Variants in SUCLG2 observed in about 807,000 individuals in gnomAD.
The protein encoded by SUCLG2 is succinate--CoA ligase [GDP-forming] subunit beta, mitochondrial.
A neutral mutation model predicts 47.9 loss-of-function variants in SUCLG2; 42 were observed. The ratio of observed to expected loss-of-function variants is 0.88; its 90% CI spans 0.69 to 1.14. SUCLG2 has a LOEUF of 1.14. SUCLG2 is among the 50% of genes most tolerant of loss of function. The probability of loss-of-function intolerance (pLI) is 0.00; values close to 1 mark genes in which losing one functional copy is unlikely to be tolerated. For missense variants in SUCLG2, 571 were observed against 525.9 expected (o/e 1.09, Z -0.84); for synonymous variants, 195 against 197.3 (o/e 0.99, Z 0.10).
intron 2 of SUCLG2, among the ~76,000 whole-genome samples, chr3:67,558,539 G>C (rs963306595): frequency 6.6e-6 from 1 of 152,156 alleles, no homozygotes; most frequent in African/African-American, 2.4e-5. Flanking sequence ...GACTGTCTTA[G>C]AGCAGCTGTG....
intron 2 of SUCLG2, among the ~76,000 whole-genome samples, chr3:67,601,926 G>A (rs1355897827): frequency 6.6e-6 from 1 of 152,004 alleles, no homozygotes; most frequent in South Asian, 2.1e-4. Flanking sequence ...AGATTGCAGT[G>A]AGCTAAGATC....
At chr3:67,592,110 C>A (rs976683237) in intron 2 of SUCLG2, among the ~76,000 whole-genome samples, 1 of 152,144 alleles carries the variant, frequency 6.6e-6, no homozygotes, top group East Asian at 1.9e-4. Context: ...GATGGGGAAA[C>A]TTAAGACACA....
chr3:67,565,124 T>C (rs942588033), intron 2 of SUCLG2, among the ~76,000 whole-genome samples: 1 of 152,228 alleles, frequency 6.6e-6, no homozygotes, highest in African/African-American at 2.4e-5. Context: ...ACATTAAATA[T>C]GTGCTACGTG....
intron 2 of SUCLG2, among the ~76,000 whole-genome samples, chr3:67,554,380 T>C (rs577646135): frequency 3.8e-4 from 58 of 152,318 alleles, no homozygotes; most frequent in Non-Finnish European, 7.1e-4. Flanking sequence ...CCTGAGAACC[T>C]TGATGTCATG....
intron 1 of SUCLG2, among the ~76,000 whole-genome samples, chr3:67,620,757 G>A (rs556147887): frequency 2.0e-5 from 3 of 152,128 alleles, no homozygotes; most frequent in Admixed American, 2.0e-4. Context: ...AGCACAGCAG[G>A]CTGAGAGGCC....
At chr3:67,451,568 T>C (rs569730148) in intron 9 of SUCLG2, among the ~76,000 whole-genome samples, 1 of 152,282 alleles carries the variant, frequency 6.6e-6, no homozygotes, top group South Asian at 2.1e-4. Context: ...TTTTCTGGTG[T>C]CTTGAGTTCT....
intron 9 of SUCLG2, among the ~76,000 whole-genome samples, chr3:67,464,776 T>A (rs949485718): frequency 3.9e-5 from 6 of 152,334 alleles, no homozygotes; most frequent in Non-Finnish European, 8.8e-5. Flanking sequence ...CTTTTAGAAA[T>A]CAGTTGCTTG....
rs939049433 is a variant in SUCLG2, at chr3:67,649,527, T to C, written c.84+4976A>G. ...CTTCTTTGTATACCCAAAAGTGCCA[T>C]TGTCCCTCAACTTCTGCTATCCACC... On this transcript the variant is annotated intron_variant, in intron 1 of 10. Coordinates refer to ENST00000307227, the MANE Select transcript of SUCLG2 (RefSeq NM_003848.4). 9.5e-5 allele frequency among the ~76,000 whole-genome samples: 14 copies of C among 147,234 alleles called. No homozygotes were observed. The South Asian group carries it at 1.5e-3, about 16-fold the overall frequency.
chr3:67,362,928 C>T (rs1268327983), intron 10 of SUCLG2, among the ~76,000 whole-genome samples: 1 of 152,186 alleles, frequency 6.6e-6, no homozygotes, highest in Non-Finnish European at 1.5e-5. Flanking sequence ...AATTTATGCT[C>T]TAGAGCTCCC....
At chr3:67,581,780 A>G (rs183918623) in intron 2 of SUCLG2, among the ~76,000 whole-genome samples, 4 of 152,332 alleles carry the variant, frequency 2.6e-5, no homozygotes, top group Admixed American at 2.0e-4. Context: ...TAAAGTACCT[A>G]CGGGAGGAAA....
At chr3:67,570,309 A>T (rs1172313789) in intron 2 of SUCLG2, among the ~76,000 whole-genome samples, 2 of 152,328 alleles carry the variant, frequency 1.3e-5, no homozygotes, top group Non-Finnish European at 2.9e-5. Flanking sequence ...ATTCTCCCTG[A>T]ATTGCCAGTC....
rs74808853 is a variant in SUCLG2, at chr3:67,468,233, G to A, written c.1062+27565C>T. On this transcript the variant is annotated intron_variant, in intron 9 of 10. Coordinates refer to ENST00000307227, the MANE Select transcript of SUCLG2 (RefSeq NM_003848.4). Reference sequence around the variant, plus strand: ...CCAAAAAATTATCAGCACCTATTAGGTGCCAATATAGTATAGACATGGACC... The same window carrying A: ...CCAAAAAATTATCAGCACCTATTAGATGCCAATATAGTATAGACATGGACC... 4.5e-3 allele frequency among the ~76,000 whole-genome samples: 685 copies of A among 152,296 alleles called. 11 individuals carry two copies. The East Asian group carries it at 0.059, about 13-fold the overall frequency.
chr3:67,594,489 G>A (rs994396311), intron 2 of SUCLG2, among the ~76,000 whole-genome samples: 3 of 152,058 alleles, frequency 2.0e-5, no homozygotes, highest in African/African-American at 7.2e-5. Context: ...TGACTGGCTC[G>A]TGTTCATCCT....
At chr3:67,362,916 G>C (rs965722798) in intron 10 of SUCLG2, among the ~76,000 whole-genome samples, 1 of 152,170 alleles carries the variant, frequency 6.6e-6, no homozygotes, top group African/African-American at 2.4e-5. Flanking sequence ...CCTCCGTGGT[G>C]TAATTTATGC....
At chr3:67,436,256 A>C (rs1703618228) in intron 9 of SUCLG2, among the ~76,000 whole-genome samples, 1 of 152,132 alleles carries the variant, frequency 6.6e-6, no homozygotes. Flanking sequence ...CCTGCAGGAG[A>C]AAAAGTAAGT....
At chr3:67,588,658 C>G (rs900024495) in intron 2 of SUCLG2, among the ~76,000 whole-genome samples, 4 of 152,294 alleles carry the variant, frequency 2.6e-5, no homozygotes, top group African/African-American at 9.6e-5. Flanking sequence ...TCAGAGCTCT[C>G]TTGGTTCTAC....
rs185574630 is a variant in SUCLG2, at chr3:67,518,549, C to T, written c.571-213G>A. Among the ~76,000 whole-genome samples the T allele has an allele frequency of 1.4e-4, 22 of 152,314 alleles. No individual in the cohort carries two copies. In the East Asian group the frequency reaches 2.3e-3, roughly 16 times the overall value. On this transcript the variant is annotated intron_variant, in intron 5 of 10. Coordinates refer to ENST00000307227, the MANE Select transcript of SUCLG2 (RefSeq NM_003848.4). The stretch of plus-strand genomic sequence containing the variant: ...AAGCCCTTCCAAAAACTATATAATT[C>T]TTCATGGTGGCATGCTGACAAGAAA...
At chr3:67,545,336 G>C (rs1706836254) in intron 2 of SUCLG2, among the ~76,000 whole-genome samples, 1 of 152,172 alleles carries the variant, frequency 6.6e-6, no homozygotes. Flanking sequence ...CTGGAGTTAA[G>C]CAGAAGCCAG....
chr3:67,498,437 G>C (rs1459921275), intron 7 of SUCLG2, 142 bp from the exon 8 acceptor site: 2 of 836,390 alleles, frequency 2.4e-6, no homozygotes, highest in South Asian at 2.0e-5. Context: ...AGGCTGCTTT[G>C]GCTTTCTTGA....
Sources: gnomAD v4.1 joint callset for allele counts (sites outside exome capture counted in the v4.1 genomes callset) on GRCh38, gnomAD v4.1.1 for gene constraint, MANE v1.5 for transcripts, NCBI Gene and HGNC (gene_info 2026-07-23, HGNC 2026-07-21) for gene names.